The following VPS8 variants were observed in gnomAD, a reference collection of about 807,000 sequenced individuals.
The protein encoded by VPS8 is VPS8 subunit of CORVET complex.
A neutral mutation model predicts 216.4 loss-of-function variants in VPS8; 129 were observed. The observed-to-expected ratio is 0.60, with a 90% CI of 0.52 to 0.69. VPS8 has a LOEUF of 0.69. VPS8 is among the 30% of genes least tolerant of loss of function. The pLI is 0.00. For synonymous variants in VPS8, 571 were observed against 565.4 expected, an observed-to-expected ratio of 1.01 and a Z score of -0.14; for missense variants, 1,531 against 1,683.5, an observed-to-expected ratio of 0.91 and a Z score of 1.59.
At chr3:184,828,644 G>A (rs1417813232) in intron 3 of VPS8, among the ~76,000 whole-genome samples, 1 of 152,096 alleles carries the variant, frequency 6.6e-6, no homozygotes, top group Admixed American at 6.5e-5. Context: ...TTAAGACCAA[G>A]TCTTTGACCC....
Position 184,834,753 on chromosome 3 carries a change from TG to T in VPS8, c.447+12del. The T allele has an allele frequency of 6.4e-7, 1 of 1,551,988 alleles. No homozygotes were observed. Among genetic ancestry groups the T allele is most frequent in the Non-Finnish European group, 8.7e-7 (1 of 1,146,598 alleles). On this transcript the variant is annotated intron_variant, in intron 5 of 47. Transcript: ENST00000625842. ...ATAGTGTCTGCAGCTGTAAGTATTT[TG>T]TTCTTTTCCCTCAACTTTGTAACCT...
chr3:184,817,655 G>A (rs1716628204), intron 1 of VPS8, among the ~76,000 whole-genome samples: 2 of 152,186 alleles, frequency 1.3e-5, no homozygotes, highest in South Asian at 4.1e-4. Flanking sequence ...TATATGCTGT[G>A]AGTCAAATAA....
intron 42 of VPS8, among the ~76,000 whole-genome samples, chr3:184,984,522 A>G (rs919677463): frequency 2.9e-4 from 44 of 151,640 alleles, no homozygotes; most frequent in Non-Finnish European, 1.5e-5. Flanking sequence ...CAAACTCCTG[A>G]CCTCAGGTGA....
At chr3:184,839,655 T>C (rs1410941229) in intron 6 of VPS8, 43 bp from the exon 7 acceptor site, 5 of 1,551,574 alleles carry the variant, frequency 3.2e-6, no homozygotes, top group African/African-American at 1.4e-5. Flanking sequence ...TTCAAGATTC[T>C]TAATGTAATG....
chr3:185,033,784 G>A (rs904869746), intron 46 of VPS8, among the ~76,000 whole-genome samples: 1 of 152,190 alleles, frequency 6.6e-6, no homozygotes, highest in Non-Finnish European at 1.5e-5. Flanking sequence ...CCAGCATTTG[G>A]TGTTGTGGTG....
At chr3:184,886,219 C>A in intron 22 of VPS8, 63 bp downstream of exon 22, 1 of 1,437,246 alleles carries the variant, frequency 7.0e-7, no homozygotes, top group Non-Finnish European at 9.6e-7. Flanking sequence ...TATGTATAAG[C>A]CATTGCTAAG....
chr3:185,011,113 C>CAA (rs11386728), intron 45 of VPS8, among the ~76,000 whole-genome samples: 4,953 of 144,720 alleles, frequency 0.034, 95 homozygotes, highest in Middle Eastern at 0.046. Flanking sequence ...ACACAGAGTA[C>CAA]AAAAAAAAAA....
rs1728189310 is a variant in VPS8, at chr3:184,870,787, G to T, written c.1716G>T (p.Val572=). ...GCCCAGACCAAGGAAAAATCCAAGT[G>T]ATGGAGCAGCATTTTCAGGTACACA... The part of the protein sequence containing the change: ...KKCPDQGKIQ[V]MEQHFQDMVP... Residue 572 remains valine, a synonymous_variant, in exon 21 of 48, where the codon GTG becomes GTT. Coordinates refer to ENST00000625842, the MANE Select transcript of VPS8 (RefSeq NM_001009921.3). 6.2e-7 allele frequency: 1 copy of T among 1,611,636 alleles called. No individual in the cohort carries two copies. The highest frequency in any genetic ancestry group is 1.3e-5 in the African/African-American group (1 of 74,974).
intron 10 of VPS8, among the ~76,000 whole-genome samples, chr3:184,851,849 T>C (rs151202779): frequency 3.9e-5 from 6 of 152,322 alleles, no homozygotes; most frequent in Middle Eastern, 3.4e-3. Context: ...GTTTATTCCA[T>C]TTTGTGTCAT....
At chr3:184,892,056 A>G (rs1239176466) in intron 22 of VPS8, among the ~76,000 whole-genome samples, 1 of 152,134 alleles carries the variant, frequency 6.6e-6, no homozygotes, top group Non-Finnish European at 1.5e-5. Context: ...TTGGTCCTCT[A>G]TTATTCATGA....
chr3:184,955,500 C>T (rs998193880), intron 36 of VPS8, among the ~76,000 whole-genome samples: 1 of 151,950 alleles, frequency 6.6e-6, no homozygotes, highest in African/African-American at 2.4e-5. Flanking sequence ...TGCGCCCCCT[C>T]GTCTTGTATG....
chr3:184,828,942 T>C (rs747182028), intron 3 of VPS8, among the ~76,000 whole-genome samples: 1 of 152,230 alleles, frequency 6.6e-6, no homozygotes, highest in Non-Finnish European at 1.5e-5. Context: ...CCAGCATTGA[T>C]TAAGTTTGCC....
chr3:184,988,967 A>G (rs765205559), intron 42 of VPS8, among the ~76,000 whole-genome samples: 1 of 152,218 alleles, frequency 6.6e-6, no homozygotes, highest in Admixed American at 6.5e-5. Flanking sequence ...TTGGAAACCA[A>G]TTGACTTTGT....
chr3:184,970,103 G>A (rs1045790395), intron 39 of VPS8, among the ~76,000 whole-genome samples: 1 of 151,536 alleles, frequency 6.6e-6, no homozygotes, highest in Non-Finnish European at 1.5e-5. Context: ...TAGAGTTGGG[G>A]TTCCACCATC....
chr3:185,022,349 T>C (rs1292262449), intron 45 of VPS8, among the ~76,000 whole-genome samples: 1 of 152,188 alleles, frequency 6.6e-6, no homozygotes, highest in African/African-American at 2.4e-5. Context: ...CCCCTGTAAA[T>C]TAATAAATAG....
intron 40 of VPS8, among the ~76,000 whole-genome samples, chr3:184,976,040 A>G (rs962327151): frequency 6.6e-6 from 1 of 152,172 alleles, no homozygotes; most frequent in African/African-American, 2.4e-5. Context: ...TGTTCCCATC[A>G]TTACGTCCAT....
intron 46 of VPS8, among the ~76,000 whole-genome samples, chr3:185,039,237 T>C (rs1759308000): frequency 6.6e-6 from 1 of 152,158 alleles, no homozygotes; most frequent in African/African-American, 2.4e-5. Context: ...GAGTTTTCGT[T>C]TTATAGTTTT....
chr3:185,014,626 G>A (rs1160725587), intron 45 of VPS8, among the ~76,000 whole-genome samples: 3 of 152,146 alleles, frequency 2.0e-5, no homozygotes, highest in African/African-American at 7.2e-5. Flanking sequence ...CTTTAGACAG[G>A]CTCAAAAAAT....
chr3:185,003,408 G>A (rs1430782844), intron 45 of VPS8, among the ~76,000 whole-genome samples: 20 of 144,808 alleles, frequency 1.4e-4, no homozygotes, highest in Non-Finnish European at 2.3e-4. Context: ...ATCTTGCACC[G>A]CCCTTAATCC....
Sources: allele counts gnomAD v4.1 joint callset (sites outside exome capture counted in the v4.1 genomes callset), GRCh38; gene constraint gnomAD v4.1.1; transcripts MANE v1.5; gene names NCBI Gene and HGNC (gene_info 2026-07-23, HGNC 2026-07-21).